The following RXFP1 variants were observed in gnomAD, a reference collection of about 807,000 sequenced individuals.
RXFP1 encodes relaxin family peptide receptor 1.
RXFP1 carries 73 observed loss-of-function variants against 89.8 expected under a neutral mutation model. The observed-to-expected ratio is 0.81, with a 90% CI of 0.67 to 0.99. The LOEUF (loss-of-function observed/expected upper bound fraction) is 0.99. Among genes scored for constraint, RXFP1 ranks in the 50% least tolerant of loss-of-function variants. The pLI is 0.00. For missense variants in RXFP1, 793 were observed against 895.5 expected, an observed-to-expected ratio of 0.89 and a Z score of 1.46; for synonymous variants, 277 against 305.5, an observed-to-expected ratio of 0.91 and a Z score of 0.97.
chr4:158,528,235 C>T (rs991184344), intron 1 of RXFP1, among the ~76,000 whole-genome samples: 3 of 152,156 alleles, frequency 2.0e-5, no homozygotes, highest in Admixed American at 6.5e-5. Flanking sequence ...GGCAGTGTCT[C>T]ATGCCTATAA....
chr4:158,607,104 C>A lies in RXFP1; in HGVS notation c.465-868C>A, dbSNP rs1485543354. 2.0e-6 allele frequency: 3 copies of A among 1,535,852 alleles called. No individual in the cohort carries two copies. In the African/African-American group the frequency reaches 4.1e-5, roughly 21 times the overall value. ...CAGAACATGAAGGCAGCCTTGAAATCCTTACTTTATCATTCCCGCAATCTG... is the reference window on the plus strand; with the variant it reads ...CAGAACATGAAGGCAGCCTTGAAATACTTACTTTATCATTCCCGCAATCTG... On this transcript the variant is annotated intron_variant, in intron 5 of 17. Coordinates refer to ENST00000307765, the MANE Select transcript of RXFP1 (RefSeq NM_021634.4).
At chr4:158,642,252 G>A (rs1342124399) in intron 14 of RXFP1, among the ~76,000 whole-genome samples, 1 of 152,002 alleles carries the variant, frequency 6.6e-6, no homozygotes, top group East Asian at 1.9e-4. Context: ...CAGGATAAAG[G>A]ATAATTAGCA....
intron 11 of RXFP1, among the ~76,000 whole-genome samples, chr4:158,632,709 A>T (rs1469362534): frequency 6.6e-6 from 1 of 152,210 alleles, no homozygotes; most frequent in Non-Finnish European, 1.5e-5. Flanking sequence ...CAGCTGTGGA[A>T]GAAACTCGAA....
chr4:158,585,700 T>C (rs377148110), intron 2 of RXFP1, among the ~76,000 whole-genome samples: 2 of 152,186 alleles, frequency 1.3e-5, no homozygotes, highest in East Asian at 1.9e-4. Flanking sequence ...AAAAGTACCT[T>C]AGTAGTCACT....
At chr4:158,589,414 A>G (rs1393774360) in intron 2 of RXFP1, among the ~76,000 whole-genome samples, 2 of 152,166 alleles carry the variant, frequency 1.3e-5, no homozygotes, top group Non-Finnish European at 2.9e-5. Flanking sequence ...CTGCTTTTAT[A>G]AAATAGCAAA....
intron 2 of RXFP1, among the ~76,000 whole-genome samples, chr4:158,577,694 G>A (rs1756532157): frequency 1.3e-5 from 2 of 151,924 alleles, no homozygotes; most frequent in East Asian, 1.9e-4. Flanking sequence ...TAAGTCAAAT[G>A]GAAATTGTAG....
intron 14 of RXFP1, among the ~76,000 whole-genome samples, chr4:158,641,732 T>C (rs1371234228): frequency 1.3e-5 from 2 of 152,196 alleles, no homozygotes; most frequent in Non-Finnish European, 1.5e-5. Flanking sequence ...GCAGAACACA[T>C]GGCTTTATAG....
Position 158,543,769 on chromosome 4 carries a change from C to A in RXFP1, c.49+21744C>A, listed in dbSNP as rs1223237446. On this transcript the variant is annotated intron_variant, in intron 1 of 17. Coordinates refer to ENST00000307765, the MANE Select transcript of RXFP1 (RefSeq NM_021634.4). Reference sequence around the variant, plus strand: ...AAACTTTTTTATTAACACTCCATCTCCCACCTAGAATCAAATAGTATTACA... The same window carrying A: ...AAACTTTTTTATTAACACTCCATCTACCACCTAGAATCAAATAGTATTACA... 3 of 985,138 alleles carry A rather than the reference C, an allele frequency of 3.0e-6. No individual in the cohort carries two copies. In the African/African-American group the frequency reaches 5.2e-5, roughly 17 times the overall value. The allele number at this position is 985,138 out of a possible 1,614,324, so 61.0% of individuals were successfully genotyped here.
At chr4:158,573,023 T>TC in intron 2 of RXFP1, 188 bp downstream of exon 2, 1 of 954,368 alleles carries the variant, frequency 1.0e-6, no homozygotes, top group Non-Finnish European at 1.5e-6. Context: ...TTTTTGTTTT[T>TC]TTTTGAGACG....
intron 9 of RXFP1, among the ~76,000 whole-genome samples, chr4:158,620,963 T>A (rs947551014): frequency 2.6e-5 from 4 of 151,528 alleles, no homozygotes; most frequent in African/African-American, 9.7e-5. Context: ...TCTATTAAAA[T>A]TTTTTTTAAA....
At chr4:158,549,183 C>T (rs1408739617) in intron 1 of RXFP1, among the ~76,000 whole-genome samples, 4 of 151,646 alleles carry the variant, frequency 2.6e-5, no homozygotes, top group Admixed American at 6.6e-5. Flanking sequence ...CTTCCCTTCT[C>T]GCTTCATTTC....
In RXFP1 at chr4:158,617,157, G is replaced by A. The variant is rs368431235; in HGVS notation, c.707G>A (p.Arg236His). Residue 236 changes from arginine to histidine, a missense_variant, in exon 9 of 18, where the codon CGT becomes CAT. Physicochemically the swap from Arg to His is conservative, Grantham distance 29. Coordinates refer to ENST00000307765, the MANE Select transcript of RXFP1 (RefSeq NM_021634.4). ...GTCCTGATGAATAACGTCCTCACCC[G>A]TTTACCTGATAAACCTCTCTGTCAA... The part of the protein sequence containing the change: ...LLVLMNNVLT[R>H]LPDKPLCQHM... The A allele has an allele frequency of 9.3e-6, 15 of 1,608,700 alleles. No individual in the cohort carries two copies. The highest frequency in any genetic ancestry group is 3.3e-5 in the South Asian group (3 of 90,342).
intron 11 of RXFP1, among the ~76,000 whole-genome samples, chr4:158,629,251 A>AT (rs770379574): frequency 3.2e-4 from 49 of 152,012 alleles, no homozygotes; most frequent in Non-Finnish European, 6.9e-4. Flanking sequence ...GGGTTTCACC[A>AT]TGCTGGCCAG....
At chr4:158,547,346 C>T (rs1748729971) in intron 1 of RXFP1, among the ~76,000 whole-genome samples, 1 of 151,906 alleles carries the variant, frequency 6.6e-6, no homozygotes, top group African/African-American at 2.4e-5. Flanking sequence ...GTCTTTTCTT[C>T]TTTATTACTC....
chr4:158,549,832 C>T (rs1306288132), intron 1 of RXFP1, among the ~76,000 whole-genome samples: 1 of 152,172 alleles, frequency 6.6e-6, no homozygotes, highest in South Asian at 2.1e-4. Context: ...GAGGAGTACC[C>T]GGCCGTGTGA....
At chr4:158,628,856 G>T (rs1258717649) in intron 11 of RXFP1, 147 bp downstream of exon 11, 8 of 411,990 alleles carry the variant, frequency 1.9e-5, no homozygotes, top group Non-Finnish European at 3.1e-5. Flanking sequence ...AGCCACAAAG[G>T]AATTCAGATG....
In RXFP1 at chr4:158,633,459, G is replaced by A. The variant is rs577414448; in HGVS notation, c.954G>A (p.Leu318=). The change falls in exon 12 of 18, where the codon CTG becomes CTA. Residue 318 remains leucine, a synonymous_variant. Transcript: ENST00000307765. ...ENLPPLIFKD[L]KELSQLNLSY... is the part of the protein sequence containing the mutation. ...TTCCACCGCTTATATTCAAGGACCT[G>A]AAGGAGCTGTCACAATTGTAAGACT... 6.2e-7 allele frequency: 1 copy of A among 1,600,068 alleles called. No homozygotes were observed. Among genetic ancestry groups the A allele is most frequent in the African/African-American group, 1.3e-5 (1 of 74,598 alleles).
intron 1 of RXFP1, among the ~76,000 whole-genome samples, chr4:158,526,909 C>T (rs1742638157): frequency 6.6e-6 from 1 of 152,278 alleles, no homozygotes; most frequent in South Asian, 2.1e-4. Context: ...CCACCTCTCT[C>T]TCCCCATCAT....
intron 1 of RXFP1, among the ~76,000 whole-genome samples, chr4:158,533,073 T>C (rs533488966): frequency 1.3e-5 from 2 of 152,350 alleles, no homozygotes; most frequent in South Asian, 4.1e-4. Context: ...TGCTTAACCC[T>C]TAACTCTCTA....
Sources: allele counts gnomAD v4.1 joint callset (sites outside exome capture counted in the v4.1 genomes callset), GRCh38; gene constraint gnomAD v4.1.1; transcripts MANE v1.5; gene names NCBI Gene and HGNC (gene_info 2026-07-23, HGNC 2026-07-21).